The following CRYBG2 variants were observed in gnomAD, a reference collection of about 807,000 sequenced individuals.
The protein encoded by CRYBG2 is beta/gamma crystallin domain-containing protein 2.
A neutral mutation model predicts 153.4 loss-of-function variants in CRYBG2; 106 were observed. That is an observed-to-expected ratio of 0.69 (90% CI 0.59 to 0.81). The LOEUF (loss-of-function observed/expected upper bound fraction) is 0.81, where lower values mean the gene tolerates loss of function less well. Ranked by LOEUF, CRYBG2 falls within the 30% of genes least tolerant of loss-of-function variation. The pLI is 0.00. For synonymous variants in CRYBG2, 851 were observed against 877.8 expected (o/e 0.97, Z 0.54); for missense variants, 1,996 against 2,112.0 (o/e 0.95, Z 1.08).
intron 6 of CRYBG2, 125 bp from the exon 7 acceptor site, chr1:26,338,602 A>G: frequency 8.9e-7 from 1 of 1,128,644 alleles, no homozygotes. Flanking sequence ...TCAGTCTCGT[A>G]TAATCTCTTG....
In CRYBG2 at chr1:26,346,129, T is replaced by G. The variant is rs750107385; in HGVS notation, c.529A>C (p.Thr177Pro). 6.4e-7 allele frequency: 1 copy of G among 1,562,436 alleles called. No homozygotes were observed. Among genetic ancestry groups the G allele is most frequent in the Non-Finnish European group, 8.6e-7 (1 of 1,158,752 alleles). The change falls in exon 2 of 20, where the codon ACT becomes CCT. Residue 177 changes from threonine to proline, a missense_variant. Physicochemically the swap from Thr to Pro is conservative, Grantham distance 38. Transcript: ENST00000308182. The surrounding 1 kb of genome is among the most constrained non-coding windows in gnomAD (Gnocchi z 4.9). ...RSLEEYRVTR[T>P]VRTTTVVGGH... ...CCCACCACTGTGGTGGTCCGCACAG[T>G]GCGTGTCACTCGGTATTCCTCGAGG...
In CRYBG2 at chr1:26,339,431, T is replaced by C. The variant is rs777255067; in HGVS notation, c.3205-2A>G. The C allele has an allele frequency of 1.9e-6, 3 of 1,613,596 alleles. No homozygotes were observed. The highest frequency in any genetic ancestry group is 1.1e-5 in the South Asian group (1 of 91,076). On this transcript the variant is annotated splice_acceptor_variant, in intron 5 of 19. Transcript: ENST00000308182. LOFTEE classifies it high-confidence loss of function. Reference sequence around the variant, plus strand: ...GCTGATTTCCGGGGTGCTGTAGTCCTGTGGAAGGAGGGGGAAAATTAAATA... The same window carrying C: ...GCTGATTTCCGGGGTGCTGTAGTCCCGTGGAAGGAGGGGGAAAATTAAATA...
Position 26,336,648 on chromosome 1 carries a change from G to GATA in CRYBG2, c.3995_3996insTAT (p.Gly1332_Ala1333insIle). On this transcript the variant is annotated inframe_insertion, in exon 12 of 20. Transcript: ENST00000308182. The surrounding 1 kb of genome is among the most constrained non-coding windows in gnomAD (Gnocchi z 4.9). The stretch of plus-strand genomic sequence containing the variant: ...GCGAGGCGAGGGTGCTGTTGCCAGC[G>GATA]CCCCAGTCCTCGCAGTTACGATACA... 1 of 1,551,518 alleles carries GATA rather than the reference G, an allele frequency of 6.4e-7. No individual in the cohort carries two copies. The highest frequency in any genetic ancestry group is 8.7e-7 in the Non-Finnish European group (1 of 1,147,250).
chr1:26,339,840 A>G (rs1438022461), intron 5 of CRYBG2, among the ~76,000 whole-genome samples: 2 of 152,200 alleles, frequency 1.3e-5, no homozygotes, highest in Non-Finnish European at 2.9e-5. Flanking sequence ...AGCTTCTGAG[A>G]AAACCTTTGT....
chr1:26,325,775 T>G lies in CRYBG2; in HGVS notation c.4579-1465A>C, dbSNP rs1219191336. Among the ~76,000 whole-genome samples, 1 of 152,118 alleles carries G rather than the reference T, an allele frequency of 6.6e-6. No individual in the cohort carries two copies. The highest frequency in any genetic ancestry group is 1.5e-5 in the Non-Finnish European group (1 of 68,024). ...TTACCATTTATCTGCACATGTGCAT[T>G]AATGATACTGATGTTCAGACATGCA... On this transcript the variant is annotated intron_variant, in intron 17 of 19. Coordinates refer to ENST00000308182, the MANE Select transcript of CRYBG2 (RefSeq NM_001039775.4). The surrounding 1 kb of genome is among the most constrained non-coding windows in gnomAD (Gnocchi z 4.1).
intron 1 of CRYBG2, among the ~76,000 whole-genome samples, chr1:26,349,218 G>A (rs185821929): frequency 2.0e-5 from 3 of 152,224 alleles, no homozygotes; most frequent in Non-Finnish European, 2.9e-5. Flanking sequence ...CCTTGGCTCC[G>A]TTAGGGCACT....
rs769976018 is a variant in CRYBG2, at chr1:26,337,618, G to A, written c.3564C>T (p.Asp1188=). 34 of 1,613,248 alleles carry A rather than the reference G, an allele frequency of 2.1e-5. No individual in the cohort carries two copies. In the East Asian group the frequency reaches 5.3e-4, roughly 25 times the overall value. The change falls in exon 9 of 20, where the codon GAC becomes GAT. Residue 1188 remains aspartate, a synonymous_variant. Transcript: ENST00000308182. The part of the protein sequence containing the change: ...FQGRSWEVSR[D]IYNLQQPEDS... ...CCTCTGGCTGCTGAAGGTTGTAGAT[G>A]TCTCGGCTCACTTCCCAGCTGCGGC...
Position 26,332,489 on chromosome 1 carries a change from C to T in CRYBG2, c.4185-871G>A, listed in dbSNP as rs115479168. On this transcript the variant is annotated intron_variant, in intron 14 of 19. Coordinates refer to ENST00000308182, the MANE Select transcript of CRYBG2 (RefSeq NM_001039775.4). ...TATAATTCACATGCCATAAAATTCACACTTTTTGTTGTTGTTATTGTTGTT... is the reference window on the plus strand; with the variant it reads ...TATAATTCACATGCCATAAAATTCATACTTTTTGTTGTTGTTATTGTTGTT... Among the ~76,000 whole-genome samples, 282 of 152,042 alleles carry T rather than the reference C, an allele frequency of 1.9e-3. 1 individual carries two copies. Among genetic ancestry groups the T allele is most frequent in the African/African-American group, 6.7e-3 (279 of 41,456 alleles).
rs759767104 is a variant in CRYBG2, at chr1:26,342,737, A to G, written c.3204+17T>C. Reference sequence around the variant, plus strand: ...CTCTAGGCACTCGAGGCCGTCTCCCACCTCCAACTCACTCACCCAGACAAC... The same window carrying G: ...CTCTAGGCACTCGAGGCCGTCTCCCGCCTCCAACTCACTCACCCAGACAAC... On this transcript the variant is annotated intron_variant, in intron 5 of 19. Coordinates refer to ENST00000308182, the MANE Select transcript of CRYBG2 (RefSeq NM_001039775.4). 1.2e-6 allele frequency: 2 copies of G among 1,610,636 alleles called. No homozygotes were observed. Among genetic ancestry groups the G allele is most frequent in the African/African-American group, 2.7e-5 (2 of 74,916 alleles).
intron 7 of CRYBG2, 110 bp downstream of exon 7, chr1:26,338,241 G>A: frequency 6.7e-7 from 1 of 1,491,316 alleles, no homozygotes; most frequent in African/African-American, 1.4e-5. Context: ...TCCAAGGGGT[G>A]CTGTTTTACA....
intron 6 of CRYBG2, 35 bp from the exon 7 acceptor site, chr1:26,338,512 G>T: frequency 6.4e-7 from 1 of 1,561,912 alleles, no homozygotes; most frequent in Non-Finnish European, 8.7e-7. Flanking sequence ...CACCCTAGCA[G>T]AGAGACTTCA....
intron 5 of CRYBG2, among the ~76,000 whole-genome samples, chr1:26,340,773 C>A (rs190741415): frequency 1.3e-5 from 2 of 151,810 alleles, no homozygotes; most frequent in Admixed American, 1.3e-4. Flanking sequence ...CCACCATGCC[C>A]GGCTAATTTT....
In CRYBG2 at chr1:26,328,315, T is replaced by C. The variant is rs2073957715; in HGVS notation, c.4472A>G (p.His1491Arg). The stretch of plus-strand genomic sequence containing the variant: ...CCACTGGCGGCCCCGGAAGTCACTG[T>C]GTTCACATAGCACCCAACTGGGCCC... ...IKGGIWVLCEHSDFRGRQWLV... is the reference protein window; with the variant it reads ...IKGGIWVLCERSDFRGRQWLV... Residue 1491 changes from histidine (H) to arginine (R), a missense_variant, in exon 17 of 20, where the codon CAC becomes CGC. Transcript: ENST00000308182. The C allele has an allele frequency of 1.3e-6, 2 of 1,571,994 alleles. No individual in the cohort carries two copies. Among genetic ancestry groups the C allele is most frequent in the Admixed American group, 1.8e-5 (1 of 54,614 alleles).
chr1:26,351,746 AC>A (rs2074289213), intron 1 of CRYBG2, among the ~76,000 whole-genome samples: 1 of 151,862 alleles, frequency 6.6e-6, no homozygotes. Context: ...CTGCCTGCAT[AC>A]CTCCAGGGAC....
Position 26,324,302 on chromosome 1 carries a change from A to G in CRYBG2, c.4587T>C (p.Val1529=), listed in dbSNP as rs769832095. ...GTGCTGCATTCCAGAGGCGGAAATA[A>G]ACCCGGCGCTGGTGGCAGAAAGAGG... ...GSLYPIKQRR[V]YFRLWNAALG... is the part of the protein sequence containing the mutation. Residue 1529 remains valine, a synonymous_variant, in exon 18 of 20, where the codon GTT becomes GTC. Coordinates refer to ENST00000308182, the MANE Select transcript of CRYBG2 (RefSeq NM_001039775.4). 6.2e-7 allele frequency: 1 copy of G among 1,605,944 alleles called. No homozygotes were observed. Among genetic ancestry groups the G allele is most frequent in the Non-Finnish European group, 8.5e-7 (1 of 1,178,656 alleles).
At position 26,338,128 on chromosome 1, in the gene CRYBG2, C is replaced by T. The variant is rs1480074953; in HGVS notation, c.3472-81G>A. On this transcript the variant is annotated intron_variant, in intron 7 of 19. Transcript: ENST00000308182. ...CTGCGGATCTAGGATTTTCCTGATCCTGAGAACCCCAACCCCATGTCTTCC... is the reference window on the plus strand; with the variant it reads ...CTGCGGATCTAGGATTTTCCTGATCTTGAGAACCCCAACCCCATGTCTTCC... 79 of 1,548,844 alleles carry T rather than the reference C, an allele frequency of 5.1e-5. 1 individual carries two copies. The highest frequency in any genetic ancestry group is 2.0e-4 in the South Asian group (17 of 85,928).
Position 26,344,962 on chromosome 1 carries a change from C to A in CRYBG2, c.1696G>T (p.Val566Leu). The A allele has an allele frequency of 6.5e-7, 1 of 1,535,540 alleles. No homozygotes were observed. The highest frequency in any genetic ancestry group is 8.7e-7 in the Non-Finnish European group (1 of 1,147,288). Reference protein sequence around the residue: ...AASSPTQKEVVQGSGAPAALS... With the variant: ...AASSPTQKEVLQGSGAPAALS... The stretch of plus-strand genomic sequence containing the variant: ...GCAGCAGGAGCACCAGACCCCTGCA[C>A]CACCTCCTTCTGGGTGGGGGATGAG... Residue 566 changes from valine to leucine, a missense_variant, in exon 2 of 20, where the codon GTG becomes TTG. Transcript: ENST00000308182.
chr1:26,333,136 CT>C (rs1181650960), intron 14 of CRYBG2, among the ~76,000 whole-genome samples: 2 of 147,122 alleles, frequency 1.4e-5, no homozygotes, highest in Non-Finnish European at 3.0e-5. Context: ...GGCTGAATGT[CT>C]GTGTCCTCCC....
At position 26,336,408 on chromosome 1, in the gene CRYBG2, C is replaced by A; in HGVS notation, c.4039-38G>T. On this transcript the variant is annotated intron_variant, in intron 12 of 19. Coordinates refer to ENST00000308182, the MANE Select transcript of CRYBG2 (RefSeq NM_001039775.4). The surrounding 1 kb of genome is among the most constrained non-coding windows in gnomAD (Gnocchi z 4.9). ...ACCGAATCGAGAATTAGGGAGGGTGCCGGCCCCTAGCCTTGTCTTCTCTAG... is the reference window on the plus strand; with the variant it reads ...ACCGAATCGAGAATTAGGGAGGGTGACGGCCCCTAGCCTTGTCTTCTCTAG... 6.2e-7 allele frequency: 1 copy of A among 1,609,318 alleles called. No homozygotes were observed. Among genetic ancestry groups the A allele is most frequent in the Non-Finnish European group, 8.5e-7 (1 of 1,177,790 alleles).
Sources: allele counts gnomAD v4.1 joint callset (sites outside exome capture counted in the v4.1 genomes callset), GRCh38; gene constraint gnomAD v4.1.1; non-coding constraint Gnocchi (gnomAD v3.1); transcripts MANE v1.5; gene names NCBI Gene and HGNC (gene_info 2026-07-23, HGNC 2026-07-21).